CNPY2: variants seen among roughly 807,000 people sequenced by gnomAD.
CNPY2 encodes protein canopy homolog 2.
CNPY2 carries 19 observed loss-of-function variants against 25.5 expected under a neutral mutation model. The observed-to-expected ratio is 0.74, with a 90% CI of 0.52 to 1.09. CNPY2 has a LOEUF of 1.09. CNPY2 is among the 50% of genes least tolerant of loss of function. The pLI is 0.00. For missense variants in CNPY2, 214 were observed against 233.6 expected, an observed-to-expected ratio of 0.92 and a Z score of 0.55; for synonymous variants, 82 against 85.0, an observed-to-expected ratio of 0.96 and a Z score of 0.19.
At chr12:56,310,662 AT>A (rs1434967384) in intron 5 of CNPY2, 67 bp from the exon 6 acceptor site, 2 of 1,558,466 alleles carry the variant, frequency 1.3e-6, no homozygotes, top group African/African-American at 2.7e-5. Flanking sequence ...TATCAAGAAA[AT>A]TTCCCAGACC....
Position 56,314,963 on chromosome 12 carries a change from C to T in CNPY2, c.92G>A (p.Cys31Tyr), listed in dbSNP as rs1418889918. 6.2e-7 allele frequency: 1 copy of T among 1,614,016 alleles called. No individual in the cohort carries two copies. The highest frequency in any genetic ancestry group is 8.5e-7 in the Non-Finnish European group (1 of 1,180,016). ...RRSQDLHCGACRALVDELEWE... is the reference protein window; with the variant it reads ...RRSQDLHCGAYRALVDELEWE... ...TTCTAGTTCATCCACCAGAGCCCTGCATGCTGGTGGAAGAGGAGAGAATGA... is the reference window on the plus strand; with the variant it reads ...TTCTAGTTCATCCACCAGAGCCCTGTATGCTGGTGGAAGAGGAGAGAATGA... The change falls in exon 3 of 6, where the codon TGC becomes TAC. Residue 31 changes from cysteine to tyrosine, a missense_variant. Cys to Tyr is a radical substitution (Grantham distance 194, BLOSUM62 -2). Transcript: ENST00000273308.
At chr12:56,310,858 C>T in intron 5 of CNPY2, 100 bp downstream of exon 5, 1 of 1,105,136 alleles carries the variant, frequency 9.0e-7, no homozygotes, top group South Asian at 1.4e-5. Flanking sequence ...AGCTCTTGAC[C>T]TAATACCAGA....
chr12:56,313,271 A>G (rs1873774769), intron 3 of CNPY2, among the ~76,000 whole-genome samples: 1 of 152,000 alleles, frequency 6.6e-6, no homozygotes, highest in Admixed American at 6.5e-5. Flanking sequence ...AGGGTGGCTC[A>G]CTTGAGGTCA....
chr12:56,315,274 G>A (rs1262722965), intron 1 of CNPY2, 32 bp from the exon 2 acceptor site: 14 of 1,375,912 alleles, frequency 1.0e-5, no homozygotes, highest in Non-Finnish European at 1.3e-5. Context: ...ACATAAGTGT[G>A]AGGAGCCGAC....
Position 56,314,930 on chromosome 12 carries a change from A to T in CNPY2, c.125T>A (p.Ile42Asn). The part of the protein sequence containing the change: ...RALVDELEWE[I>N]AQVDPKKTIQ... ...GGTCTTCTTGGGGTCCACCTGGGCA[A>T]TTTCCCATTCTAGTTCATCCACCAG... The change falls in exon 3 of 6, where the codon ATT (isoleucine) becomes AAT (asparagine). Residue 42 changes from isoleucine to asparagine, a missense_variant. Transcript: ENST00000273308. 6.2e-7 allele frequency: 1 copy of T among 1,614,078 alleles called. No individual in the cohort carries two copies. The highest frequency in any genetic ancestry group is 2.2e-5 in the East Asian group (1 of 44,874).
chr12:56,313,885 C>T (rs1222494919), intron 3 of CNPY2, among the ~76,000 whole-genome samples: 3 of 150,292 alleles, frequency 2.0e-5, no homozygotes, highest in Admixed American at 1.3e-4. Context: ...GCATTACGGG[C>T]GTGAGCCACC....
upstream of CNPY2, chr12:56,316,062 A>G (rs1187892321): frequency 6.6e-6 from 1 of 152,482 alleles, no homozygotes; most frequent in African/African-American, 2.4e-5. Context: ...CCAATCAGAC[A>G]CCGACCCCAA....
intron 3 of CNPY2, chr12:56,312,536 ATGATTT>A: frequency 6.8e-6 from 1 of 147,756 alleles, no homozygotes; most frequent in East Asian, 2.0e-4. Flanking sequence ...TTTCAACTAT[ATGATTT>A]TATTTTACCT....
At chr12:56,313,797 G>A (rs1298933489) in intron 3 of CNPY2, among the ~76,000 whole-genome samples, 1 of 150,578 alleles carries the variant, frequency 6.6e-6, no homozygotes, top group Non-Finnish European at 1.5e-5. Context: ...TAGTAGAGAC[G>A]GGGTTTCACC....
chr12:56,312,143 G>C (rs1260147105), intron 3 of CNPY2, among the ~76,000 whole-genome samples: 1 of 152,106 alleles, frequency 6.6e-6, no homozygotes. Flanking sequence ...CTCCCCAGGT[G>C]CTGGGATTAC....
intron 3 of CNPY2, among the ~76,000 whole-genome samples, chr12:56,312,245 T>TTTG (rs1565628134): frequency 1.2e-4 from 12 of 98,640 alleles, no homozygotes; most frequent in African/African-American, 3.7e-4. Flanking sequence ...TTTTTTTTTT[T>TTTG]TTTGAGACAG....
Position 56,311,056 on chromosome 12 carries a change from T to C in CNPY2, c.409-2A>G. The C allele has an allele frequency of 1.9e-6, 3 of 1,614,052 alleles. No individual in the cohort carries two copies. Among genetic ancestry groups the C allele is most frequent in the Non-Finnish European group, 2.5e-6 (3 of 1,179,982 alleles). On this transcript the variant is annotated splice_acceptor_variant, in intron 4 of 5. Transcript: ENST00000273308. LOFTEE classifies it high-confidence loss of function. The stretch of plus-strand genomic sequence containing the variant: ...GTATTCCTCCACAATGCTCTCACAC[T>C]GCCAACCCAAGGGAGAAATGGGTGA...
At chr12:56,314,477 T>G in intron 3 of CNPY2, 2 of 1,103,692 alleles carry the variant, frequency 1.8e-6, no homozygotes, top group South Asian at 2.6e-5. Context: ...TTCCTAATTA[T>G]GAGGATAAGA....
chr12:56,311,369 C>A lies in CNPY2; in HGVS notation c.250G>T (p.Glu84Ter). Residue 84 changes from glutamate to a stop codon, truncating the protein, a stop_gained, in exon 4 of 6, where the codon GAG (glutamate) becomes TAG (stop). Transcript: ENST00000273308. LOFTEE classifies it high-confidence loss of function. ...TACTCCTTCATCCGGTCACATATCT[C>A]CTCCAGCAGCTCTGTGAGGTGGGCC... ...SEAHLTELLE[E>*]ICDRMKEYGE... is the part of the protein sequence containing the mutation. 1 of 1,614,200 alleles carries A rather than the reference C, an allele frequency of 6.2e-7. No homozygotes were observed. The highest frequency in any genetic ancestry group is 8.5e-7 in the Non-Finnish European group (1 of 1,180,046).
At chr12:56,310,702 A>G in intron 5 of CNPY2, 107 bp from the exon 6 acceptor site, 1 of 1,107,348 alleles carries the variant, frequency 9.0e-7, no homozygotes, top group East Asian at 2.4e-5. Context: ...ACCAACCACC[A>G]TTCTGCAGAA....
intron 3 of CNPY2, chr12:56,314,629 G>A: frequency 7.1e-7 from 1 of 1,410,170 alleles, no homozygotes; most frequent in Non-Finnish European, 9.2e-7. Context: ...AGGACTCCCT[G>A]TTTGCTAACA....
chr12:56,310,796 C>T (rs139817705), intron 5 of CNPY2, among the ~76,000 whole-genome samples, 162 bp downstream of exon 5: 2 of 152,256 alleles, frequency 1.3e-5, no homozygotes, highest in African/African-American at 4.8e-5. Context: ...TGAAAGCTGA[C>T]AGAAAATGTG....
chr12:56,310,060 T>C lies in CNPY2; in HGVS notation c.*492A>G. On this transcript the variant is annotated 3_prime_UTR_variant, in exon 6 of 6. Transcript: ENST00000273308. The stretch of plus-strand genomic sequence containing the variant: ...TGGGCAGGGAAGGAAGAATAATGCA[T>C]ATCCGTTATTTCCTTCAAGACCAAG... 5.8e-6 allele frequency: 4 copies of C among 692,352 alleles called. No homozygotes were observed. Among genetic ancestry groups the C allele is most frequent in the African/African-American group, 1.8e-5 (1 of 56,926 alleles). The allele number at this position is 692,352 out of a possible 1,614,324, so 42.9% of individuals were successfully genotyped here.
intron 3 of CNPY2, 47 bp downstream of exon 3, chr12:56,314,804 C>G (rs1383877587): frequency 1.9e-6 from 3 of 1,614,100 alleles, no homozygotes; most frequent in Non-Finnish European, 2.5e-6. Context: ...CGAATTTCAT[C>G]CAAAGCCAGA....
Sources: gnomAD v4.1 joint callset for allele counts (sites outside exome capture counted in the v4.1 genomes callset) on GRCh38, gnomAD v4.1.1 for gene constraint, MANE v1.5 for transcripts, NCBI Gene and HGNC (gene_info 2026-07-23, HGNC 2026-07-21) for gene names.